Variants in NBPF8 observed in about 807,000 individuals in gnomAD.
The protein encoded by NBPF8 is NBPF family member NBPF8.
At chr1:120,420,377 G>A (rs1228412295) in intron 1 of NBPF8, among the ~76,000 whole-genome samples, 4 of 139,902 alleles carry the variant, frequency 2.9e-5, no homozygotes, top group African/African-American at 8.7e-5. Context: ...CTTTTCCTTA[G>A]TAGCTAGATC....
exon 2 of NBPF8, among the ~76,000 whole-genome samples, chr1:120,425,786 C>T (rs1250757235): frequency 7.2e-6 from 1 of 139,404 alleles, no homozygotes; most frequent in African/African-American, 2.7e-5. Context: ...TCCTCAAGTG[C>T]CTGAAATACC....
At chr1:120,449,694 T>A (rs1365792218) in intron 11 of NBPF8, among the ~76,000 whole-genome samples, 2 of 152,172 alleles carry the variant, frequency 1.3e-5, no homozygotes, top group Non-Finnish European at 2.9e-5. Context: ...AATCGTGTTT[T>A]CAAGAATCCT....
chr1:120,416,894 G>A (rs1340772264), upstream of NBPF8, among the ~76,000 whole-genome samples: 4 of 143,984 alleles, frequency 2.8e-5, no homozygotes, highest in African/African-American at 1.0e-4. Flanking sequence ...GTATCAGTGT[G>A]ATTTCATTTT....
At chr1:120,450,235 A>C (rs1445125174) in intron 11 of NBPF8, among the ~76,000 whole-genome samples, 4 of 152,014 alleles carry the variant, frequency 2.6e-5, no homozygotes, top group African/African-American at 9.7e-5. Context: ...AAATAATAAT[A>C]ATAATAATGA....
intron 3 of NBPF8, among the ~76,000 whole-genome samples, chr1:120,429,982 A>G (rs1660832207): frequency 2.7e-5 from 4 of 149,182 alleles, no homozygotes; most frequent in African/African-American, 9.9e-5. Flanking sequence ...AACTTTTTTC[A>G]TGATTTATAA....
rs1308369848 is a variant in NBPF8 at position 120,445,797 on chromosome 1, A to G, written n.1262-32A>G. 835 of 349,064 alleles carry G rather than the reference A, an allele frequency of 2.4e-3. 11 individuals are homozygous for G. In the African/African-American group the frequency reaches 0.059, roughly 25 times the overall value. The allele number at this position is 349,064 out of a possible 1,614,324, so 21.6% of individuals were successfully genotyped here. On this transcript the variant is annotated intron_variant and non_coding_transcript_variant, in intron 7 of 24. Transcript: ENST00000583271. ...TTGAACGGATCACTCAACCCTTTCT[A>G]CTCTTAAATTTTCTCTACCATCTCA...
At chr1:120,433,285 C>G (rs1660937204), upstream of NBPF8, 2 of 152,580 alleles carry the variant, frequency 1.3e-5, no homozygotes, top group South Asian at 2.1e-4. Context: ...TGCTAGATTT[C>G]AAACCTGATT....
intron 20 of NBPF8, among the ~76,000 whole-genome samples, chr1:120,462,457 AATT>A (rs1661618906): frequency 7.0e-6 from 1 of 142,906 alleles, no homozygotes; most frequent in Non-Finnish European, 1.5e-5. Flanking sequence ...GTTTATGGAA[AATT>A]ATTGAGCCCA....
chr1:120,422,118 G>A (rs1660593888), intron 1 of NBPF8, among the ~76,000 whole-genome samples: 2 of 152,316 alleles, frequency 1.3e-5, no homozygotes, highest in South Asian at 2.1e-4. Flanking sequence ...CAGAAAAATG[G>A]AGTGGATAGT....
chr1:120,452,025 T>G (rs1326770786), intron 12 of NBPF8, 92 bp from the exon 11 acceptor site: 2 of 1,380,938 alleles, frequency 1.4e-6, no homozygotes, highest in Admixed American at 3.4e-5. Context: ...AAGGTCTCCT[T>G]GAGGACATTG....
intron 11 of NBPF8, among the ~76,000 whole-genome samples, chr1:120,450,472 C>A (rs1661236268): frequency 6.6e-6 from 1 of 152,054 alleles, no homozygotes; most frequent in Non-Finnish European, 1.5e-5. Context: ...GAGGGTACTA[C>A]AATAATACCT....
upstream of NBPF8, among the ~76,000 whole-genome samples, chr1:120,435,729 G>A (rs1661054140): frequency 6.6e-6 from 1 of 151,762 alleles, no homozygotes; most frequent in Non-Finnish European, 1.5e-5. Context: ...AGCCAGGCGT[G>A]GTGGCGGGCG....
chr1:120,421,903 A>G (rs1660587589), intron 1 of NBPF8, among the ~76,000 whole-genome samples: 1 of 152,144 alleles, frequency 6.6e-6, no homozygotes, highest in South Asian at 2.1e-4. Context: ...CTGATCTGCT[A>G]TCTGTGTTCT....
intron 15 of NBPF8, among the ~76,000 whole-genome samples, chr1:120,454,699 G>C (rs1270507533): frequency 2.9e-5 from 1 of 34,280 alleles, no homozygotes; most frequent in African/African-American, 1.4e-4. Flanking sequence ...TTGTAGCATC[G>C]TGGATTTTTT....
upstream of NBPF8, among the ~76,000 whole-genome samples, chr1:120,415,253 G>A (rs1553244931): frequency 2.2e-3 from 334 of 152,324 alleles, 1 homozygote; most frequent in Non-Finnish European, 3.9e-3. Flanking sequence ...GGTTTACAGC[G>A]AAGTCCACCC....
At chr1:120,464,674 A>C in intron 23 of NBPF8, 126 bp downstream of exon 21, 1 of 600,128 alleles carries the variant, frequency 1.7e-6, no homozygotes, top group Non-Finnish European at 2.9e-6. Context: ...CTATAGGCAC[A>C]TGTAGGTTGA....
At chr1:120,468,148 A>C (rs1473331934), downstream of NBPF8, among the ~76,000 whole-genome samples, 1 of 150,270 alleles carries the variant, frequency 6.7e-6, no homozygotes, top group Non-Finnish European at 1.5e-5. Context: ...CAATTACATG[A>C]TGTGTTTTCT....
chr1:120,464,865 T>C (rs1661701448), intron 23 of NBPF8, among the ~76,000 whole-genome samples: 11 of 104,732 alleles, frequency 1.1e-4, no homozygotes, highest in African/African-American at 4.1e-4. Context: ...ATTTCCTTTT[T>C]CACTCTAATT....
At chr1:120,460,718 G>A (rs1186516101) in intron 18 of NBPF8, 94 bp downstream of exon 16, 3 of 940,718 alleles carry the variant, frequency 3.2e-6, no homozygotes, top group African/African-American at 3.2e-5. Context: ...TAATGATTTT[G>A]TCTTGTCAGA....
Sources: gnomAD v4.1 joint callset for allele counts (sites outside exome capture counted in the v4.1 genomes callset) on GRCh38, gnomAD v4.1.1 for gene constraint, MANE v1.5 for transcripts, NCBI Gene and HGNC (gene_info 2026-07-23, HGNC 2026-07-21) for gene names.